RSU1: variants seen among roughly 807,000 people sequenced by gnomAD.
The protein encoded by RSU1 is rsu-1.
A neutral mutation model predicts 31.1 loss-of-function variants in RSU1; 26 were observed. The observed-to-expected ratio is 0.84, with a 90% CI of 0.61 to 1.16. The LOEUF is 1.16. RSU1 is among the 50% of genes most tolerant of loss of function. The probability of loss-of-function intolerance (pLI) is 0.00; values close to 1 mark genes in which losing one functional copy is unlikely to be tolerated. For missense variants in RSU1, 320 were observed against 339.1 expected (o/e 0.94, Z 0.44); for synonymous variants, 164 against 136.3 (o/e 1.20, Z -1.41).
At chr10:16,624,231 A>C (rs1343206140) in intron 8 of RSU1, among the ~76,000 whole-genome samples, 1 of 151,942 alleles carries the variant, frequency 6.6e-6, no homozygotes, top group Non-Finnish European at 1.5e-5. Flanking sequence ...TGTAAGTGTG[A>C]ACAGAGTCAA....
At chr10:16,815,884 G>C (rs1195476207) in intron 2 of RSU1, among the ~76,000 whole-genome samples, 1 of 152,172 alleles carries the variant, frequency 6.6e-6, no homozygotes, top group Non-Finnish European at 1.5e-5. Context: ...AATTTGTAAA[G>C]GCACCAAGAT....
intron 7 of RSU1, among the ~76,000 whole-genome samples, chr10:16,746,516 A>G (rs1836858222): frequency 6.6e-6 from 1 of 152,202 alleles, no homozygotes; most frequent in African/African-American, 2.4e-5. Context: ...AGCAGAAACC[A>G]TGGAATGCTC....
chr10:16,725,182 T>C (rs182506027), intron 7 of RSU1, among the ~76,000 whole-genome samples: 2 of 152,196 alleles, frequency 1.3e-5, no homozygotes, highest in Admixed American at 6.5e-5. Context: ...CTTTAATAAA[T>C]ATAGTAGAGA....
At chr10:16,724,884 A>G (rs1350986070) in intron 7 of RSU1, among the ~76,000 whole-genome samples, 6 of 152,250 alleles carry the variant, frequency 3.9e-5, no homozygotes, top group Admixed American at 3.9e-4. Flanking sequence ...AATCGGGATC[A>G]ATCTCAAGAA....
chr10:16,675,654 G>T (rs759452447), intron 8 of RSU1, among the ~76,000 whole-genome samples: 4 of 152,308 alleles, frequency 2.6e-5, no homozygotes, highest in Non-Finnish European at 4.4e-5. Context: ...GGCAAAGGGG[G>T]ACTGGATTAA....
intron 8 of RSU1, among the ~76,000 whole-genome samples, chr10:16,692,926 T>C (rs1401376507): frequency 6.6e-6 from 1 of 152,148 alleles, no homozygotes. Flanking sequence ...ACGGTATCAT[T>C]TTGGCAATTT....
chr10:16,657,553 G>A (rs548253701), intron 8 of RSU1, among the ~76,000 whole-genome samples: 17 of 150,426 alleles, frequency 1.1e-4, no homozygotes, highest in African/African-American at 4.1e-4. Context: ...CAATTCTAGG[G>A]TACATTTTAT....
intron 8 of RSU1, among the ~76,000 whole-genome samples, chr10:16,646,613 T>C (rs1834575931): frequency 6.6e-6 from 1 of 152,234 alleles, no homozygotes; most frequent in African/African-American, 2.4e-5. Flanking sequence ...CTACCCTGTA[T>C]GTCACCGAGG....
At position 16,593,202 on chromosome 10, in the gene RSU1, A is replaced by G; in HGVS notation, c.*192T>C. The G allele has an allele frequency of 9.2e-7, 1 of 1,089,190 alleles. No individual in the cohort carries two copies. Among genetic ancestry groups the G allele is most frequent in the Admixed American group, 3.1e-5 (1 of 32,276 alleles). The allele number at this position is 1,089,190 out of a possible 1,614,324, so 67.5% of individuals were successfully genotyped here. On this transcript the variant is annotated 3_prime_UTR_variant, in exon 9 of 9. Coordinates refer to ENST00000345264, the MANE Select transcript of RSU1 (RefSeq NM_012425.4). ...TTAAAGAAACAAATGGAAATGGTTT[A>G]AAGACCTTATAACAATCTCCCACCT...
At chr10:16,731,771 G>C (rs896304150) in intron 7 of RSU1, among the ~76,000 whole-genome samples, 1 of 151,254 alleles carries the variant, frequency 6.6e-6, no homozygotes, top group Non-Finnish European at 1.5e-5. Context: ...TTATAGGCTT[G>C]GTCATTGATC....
chr10:16,631,578 C>T (rs148988014), intron 8 of RSU1, among the ~76,000 whole-genome samples: 1 of 152,238 alleles, frequency 6.6e-6, no homozygotes, highest in African/African-American at 2.4e-5. Flanking sequence ...AAAACTCCCT[C>T]ATTTAAGTTT....
intron 7 of RSU1, among the ~76,000 whole-genome samples, chr10:16,733,358 A>T (rs1836555545): frequency 7.7e-6 from 1 of 130,698 alleles, no homozygotes; most frequent in Admixed American, 7.7e-5. Flanking sequence ...AAAAAAAAAA[A>T]TGAGCCAAGC....
intron 8 of RSU1, among the ~76,000 whole-genome samples, chr10:16,661,648 T>C (rs1164458539): frequency 6.6e-6 from 1 of 152,186 alleles, no homozygotes; most frequent in Admixed American, 6.5e-5. Context: ...TCTGCTTCCT[T>C]TCTTGGTAGG....
At chr10:16,656,997 T>C (rs982258465) in intron 8 of RSU1, among the ~76,000 whole-genome samples, 8 of 152,338 alleles carry the variant, frequency 5.3e-5, no homozygotes, top group African/African-American at 1.9e-4. Flanking sequence ...CTTGGAAATA[T>C]GCAAATACAG....
At chr10:16,805,152 A>T (rs1248165051) in intron 2 of RSU1, among the ~76,000 whole-genome samples, 1 of 151,988 alleles carries the variant, frequency 6.6e-6, no homozygotes, top group African/African-American at 2.4e-5. Flanking sequence ...GGCTGCAGTG[A>T]GCCCAGATCA....
chr10:16,649,817 G>A (rs528025808), intron 8 of RSU1, among the ~76,000 whole-genome samples: 4 of 152,246 alleles, frequency 2.6e-5, no homozygotes, highest in South Asian at 2.1e-4. Flanking sequence ...GAGACATAAG[G>A]AGATTTAATT....
rs3780963 is a variant in RSU1 at position 16,816,119 on chromosome 10, T to C, written c.109+854A>G. Among the ~76,000 whole-genome samples, 197 of 152,258 alleles carry C rather than the reference T, an allele frequency of 1.3e-3. 5 individuals carry two copies. In the East Asian group the frequency reaches 0.037, roughly 29 times the overall value. On this transcript the variant is annotated intron_variant, in intron 2 of 8. Coordinates refer to ENST00000345264, the MANE Select transcript of RSU1 (RefSeq NM_012425.4). Reference sequence around the variant, plus strand: ...ACTGCTTTAGCTCACTTATCACAGGTTTTTCAAATATTAGAATTAGTAGCC... The same window carrying C: ...ACTGCTTTAGCTCACTTATCACAGGCTTTTCAAATATTAGAATTAGTAGCC...
At chr10:16,702,867 T>A (rs1458281717) in intron 7 of RSU1, among the ~76,000 whole-genome samples, 1 of 152,182 alleles carries the variant, frequency 6.6e-6, no homozygotes, top group Non-Finnish European at 1.5e-5. Context: ...GGCAGAATGA[T>A]ATCGTTTGGA....
chr10:16,751,318 A>T (rs553608159), intron 7 of RSU1, among the ~76,000 whole-genome samples: 1 of 152,358 alleles, frequency 6.6e-6, no homozygotes, highest in South Asian at 2.1e-4. Flanking sequence ...TTAAAAAATC[A>T]TTAAATAATC....
Sources: allele counts gnomAD v4.1 joint callset (sites outside exome capture counted in the v4.1 genomes callset), GRCh38; gene constraint gnomAD v4.1.1; transcripts MANE v1.5; gene names NCBI Gene and HGNC (gene_info 2026-07-23, HGNC 2026-07-21).